The following ACTR8 variants were observed in gnomAD, a reference collection of about 807,000 sequenced individuals.
The protein encoded by ACTR8 is actin related protein 8.
In ACTR8, 70 loss-of-function variants were observed where a neutral mutation model predicts 84.3. The ratio of observed to expected loss-of-function variants is 0.83; its 90% CI spans 0.68 to 1.01. ACTR8 has a LOEUF of 1.01. ACTR8 is among the 50% of genes least tolerant of loss of function. ACTR8 has a pLI of 0.00. For synonymous variants in ACTR8, 268 were observed against 275.2 expected, an observed-to-expected ratio of 0.97 and a Z score of 0.26; for missense variants, 672 against 775.4, an observed-to-expected ratio of 0.87 and a Z score of 1.58.
At chr3:53,879,916 T>C in intron 2 of ACTR8, 23 bp downstream of exon 2, 1 of 1,590,798 alleles carries the variant, frequency 6.3e-7, no homozygotes. Context: ...TTAGGCTTTC[T>C]CTCCAGGTCG....
downstream of ACTR8, chr3:53,865,145 G>A: frequency 6.2e-7 from 1 of 1,614,154 alleles, no homozygotes. Context: ...GTCTACTTTA[G>A]AGAGATTGAT....
At chr3:53,866,940 T>G (rs1699798399), downstream of ACTR8, 1 of 152,246 alleles carries the variant, frequency 6.6e-6, no homozygotes. Flanking sequence ...ATTTGCAGAT[T>G]ATCCTTAAAG....
At chr3:53,863,821 AT>A (rs11318618), downstream of ACTR8, among the ~76,000 whole-genome samples, 34,551 of 137,800 alleles carry the variant, frequency 0.25, 3,745 homozygotes, top group Middle Eastern at 0.31. Context: ...ACCTCAAAGT[AT>A]TTTTTTTTTT....
chr3:53,859,716 TTTTAGGACTG>T, the ACTR8 span: 10 of 155,998 alleles, frequency 6.4e-5, no homozygotes, highest in Non-Finnish European at 1.4e-4. Context: ...GCCAAAGAGA[TTTTAGGACTG>T]TTCTTAACTT....
At chr3:53,881,669 G>A in intron 1 of ACTR8, 1 of 479,608 alleles carries the variant, frequency 2.1e-6, no homozygotes, top group Non-Finnish European at 3.8e-6. Flanking sequence ...TTATCACCGT[G>A]GTCGTTTTAT....
At chr3:53,879,673 G>C (rs1050007267) in intron 2 of ACTR8, among the ~76,000 whole-genome samples, 2 of 152,160 alleles carry the variant, frequency 1.3e-5, no homozygotes, top group Non-Finnish European at 2.9e-5. Flanking sequence ...ACAAGGACCT[G>C]AATGTATTAC....
chr3:53,869,944 T>C, intron 12 of ACTR8, 38 bp downstream of exon 12: 1 of 1,608,306 alleles, frequency 6.2e-7, no homozygotes, highest in Non-Finnish European at 8.5e-7. Context: ...GCTGGTTTCA[T>C]TTGCATACAG....
chr3:53,880,156 G>A, intron 1 of ACTR8, 47 bp from the exon 2 acceptor site: 1 of 1,561,156 alleles, frequency 6.4e-7, no homozygotes, highest in African/African-American at 1.4e-5. Context: ...TAATATGCAG[G>A]TAACAAAGTT....
Position 53,870,129 on chromosome 3 carries a change from T to C in ACTR8, c.1584A>G (p.Lys528=). ...CTAGGATGGAGCTGTACATCTTCTT[T>C]TTGGTGTCGTCAGATGCTGAAAAGA... ...SIDCCSSDDT[K]KKMYSSILVV... is the part of the protein sequence containing the mutation. The change falls in exon 12 of 13, where the codon AAA becomes AAG. Residue 528 remains lysine, a synonymous_variant. Transcript: ENST00000335754. The surrounding 1 kb of genome is among the most constrained non-coding windows in gnomAD (Gnocchi z 4.1). 6.2e-7 allele frequency: 1 copy of C among 1,613,290 alleles called. No homozygotes were observed. The highest frequency in any genetic ancestry group is 1.1e-5 in the South Asian group (1 of 91,046).
At position 53,873,107 on chromosome 3, in the gene ACTR8, G is replaced by A; in HGVS notation, c.1086C>T (p.Asp362=). The A allele has an allele frequency of 6.2e-7, 1 of 1,610,890 alleles. No homozygotes were observed. The highest frequency in any genetic ancestry group is 8.5e-7 in the Non-Finnish European group (1 of 1,178,116). The change falls in exon 9 of 13, where the codon GAC becomes GAT. Residue 362 remains aspartate (D), a synonymous_variant. Coordinates refer to ENST00000335754, the MANE Select transcript of ACTR8 (RefSeq NM_022899.5). ...CAGGATGTCGAATCTGAAACTCATG[G>A]TCCTGAAGCCCAGAGATGTCCTGAT... is the stretch of plus-strand genomic sequence containing the variant. The part of the protein sequence containing the change: ...HLDQDISGLQ[D]HEFQIRHPDS...
At chr3:53,859,385 A>G in the ACTR8 span, 1 of 152,494 alleles carries the variant, frequency 6.6e-6, no homozygotes, top group Admixed American at 6.5e-5. Context: ...GGTGGGGTCA[A>G]AAGTTGGAAG....
At chr3:53,865,317 T>A (rs1481471917), downstream of ACTR8, 1 of 1,594,814 alleles carries the variant, frequency 6.3e-7, no homozygotes, top group Non-Finnish European at 8.5e-7. Context: ...AGCCCACCCA[T>A]GAGAAGCAAG....
At position 53,881,972 on chromosome 3, in the gene ACTR8, GC is replaced by G; in HGVS notation, c.123+6del. 2 of 1,555,374 alleles carry G rather than the reference GC, an allele frequency of 1.3e-6. No individual in the cohort carries two copies. The highest frequency in any genetic ancestry group is 8.7e-7 in the Non-Finnish European group (1 of 1,148,696). ...GGCAAAGAGTTCCAACCCAGCCAGA[GC>G]CGCACCTCTTGCAGCGACTCCGGCA... On this transcript the variant is annotated splice_donor_region_variant and intron_variant, in intron 1 of 12. Coordinates refer to ENST00000335754, the MANE Select transcript of ACTR8 (RefSeq NM_022899.5).
chr3:53,874,304 T>A lies in ACTR8; in HGVS notation c.972A>T (p.Arg324=). The change falls in exon 8 of 13, where the codon CGA becomes CGT. Residue 324 remains arginine (R), a synonymous_variant. Transcript: ENST00000335754. Reference sequence around the variant, plus strand: ...GGCATTCTCTGTAAGGGAACCCAGCTCGCTGCATTAGCCAGTAAAAACATC... The same window carrying A: ...GGCATTCTCTGTAAGGGAACCCAGCACGCTGCATTAGCCAGTAAAAACATC... ...VSRCFYWLMQ[R]AGFPYRECQL... is the part of the protein sequence containing the mutation. 6.2e-7 allele frequency: 1 copy of A among 1,614,204 alleles called. No homozygotes were observed. Among genetic ancestry groups the A allele is most frequent in the Non-Finnish European group, 8.5e-7 (1 of 1,180,036 alleles).
intron 2 of ACTR8, among the ~76,000 whole-genome samples, chr3:53,878,772 C>T (rs908383955): frequency 2.0e-5 from 3 of 151,884 alleles, no homozygotes; most frequent in African/African-American, 4.8e-5. Flanking sequence ...TGCAATGAGC[C>T]GAGATCGCAC....
Position 53,872,463 on chromosome 3 carries a change from A to C in ACTR8, c.1223T>G (p.Leu408Trp). Residue 408 changes from leucine to tryptophan, a missense_variant, in exon 10 of 13, where the codon TTG becomes TGG. Leu to Trp is a moderately conservative substitution (Grantham distance 61). Transcript: ENST00000335754. ...FGIVGQKMTT[L>W]QHRSQGDPED... ...AGGATCGCCCTGAGATCTGTGCTGC[A>C]AAGTCGTCATTTTCTGTCCAACGAT... is the stretch of plus-strand genomic sequence containing the variant. 2.5e-6 allele frequency: 4 copies of C among 1,611,270 alleles called. No individual in the cohort carries two copies. The highest frequency in any genetic ancestry group is 3.4e-6 in the Non-Finnish European group (4 of 1,179,042).
intron 8 of ACTR8, among the ~76,000 whole-genome samples, chr3:53,873,520 G>A (rs1699919840): frequency 1.3e-5 from 2 of 152,160 alleles, no homozygotes; most frequent in African/African-American, 2.4e-5. Context: ...ATATAGCAAT[G>A]ATTAAACATT....
At position 53,868,745 on chromosome 3, in the gene ACTR8, G is replaced by C. The variant is rs769527407; in HGVS notation, c.1849C>G (p.Arg617Gly). Residue 617 changes from arginine to glycine, a missense_variant, in exon 13 of 13, where the codon CGA (arginine) becomes GGA (glycine). Arg to Gly is a moderately radical substitution (Grantham distance 125, BLOSUM62 -2). Transcript: ENST00000335754. ...CACCACACAAACGCAGCCCGCTCTC[G>C]TAACATGCGGACACCAAAGCGCTGC... ...EWQRFGVRML[R>G]ERAAFVW The C allele has an allele frequency of 2.5e-6, 4 of 1,614,162 alleles. No homozygotes were observed. The African/African-American group carries it at 4.0e-5, about 16-fold the overall frequency.
chr3:53,863,130 A>C (rs543392008), downstream of ACTR8, among the ~76,000 whole-genome samples: 1 of 152,356 alleles, frequency 6.6e-6, no homozygotes, highest in East Asian at 1.9e-4. Context: ...ATAATACAGC[A>C]CATAATACAC....
Sources: gnomAD v4.1 joint callset for allele counts (sites outside exome capture counted in the v4.1 genomes callset) on GRCh38, gnomAD v4.1.1 for gene constraint, Gnocchi (gnomAD v3.1) non-coding constraint, MANE v1.5 for transcripts, NCBI Gene and HGNC (gene_info 2026-07-23, HGNC 2026-07-21) for gene names.